Variants in IGSF9 observed in about 807,000 individuals in gnomAD.
The protein encoded by IGSF9 is immunoglobulin superfamily member 9, also known as protein turtle homolog A.
Under a neutral mutation model 121.7 loss-of-function variants are expected in IGSF9, and 87 were observed. The observed-to-expected ratio is 0.71, with a 90% CI of 0.60 to 0.85. IGSF9 has a LOEUF of 0.85. Ranked by LOEUF, IGSF9 falls within the 40% of genes least tolerant of loss-of-function variation. IGSF9 has a pLI of 0.00. For synonymous variants in IGSF9, 640 were observed against 648.4 expected (o/e 0.99, Z 0.20); for missense variants, 1,462 against 1,565.3 (o/e 0.93, Z 1.11).
chr1:159,938,076 C>A (rs1200447972), intron 3 of IGSF9, among the ~76,000 whole-genome samples: 1 of 152,054 alleles, frequency 6.6e-6, no homozygotes, highest in Non-Finnish European at 1.5e-5. Flanking sequence ...AAAGAGAAAC[C>A]TAGGGGGACA....
Position 159,943,258 on chromosome 1 carries a change from G to A in IGSF9, c.59-107C>T, listed in dbSNP as rs115017424. ...CACCTTAGGACTTTGGGTGACTGGA[G>A]AAACCCCCAGTTCAGCTTCTCCAGA... On this transcript the variant is annotated intron_variant, in intron 2 of 20. Transcript: ENST00000368094. 12,608 of 1,311,788 alleles carry A rather than the reference G, an allele frequency of 9.6e-3. 100 individuals carry two copies. Among genetic ancestry groups the A allele is most frequent in the Middle Eastern group, 0.031 (167 of 5,314 alleles). 81.3% of individuals were successfully genotyped at this position (1,311,788 alleles called of 1,614,324 possible). A position where few individuals can be genotyped will look rare whatever the true frequency, so the allele number is the denominator to read the frequency against.
chr1:159,937,951 C>G, intron 3 of IGSF9, 113 bp from the exon 4 acceptor site: 1 of 1,173,290 alleles, frequency 8.5e-7, no homozygotes, highest in Non-Finnish European at 1.2e-6. Context: ...CTCCCAGTTA[C>G]TCTGAGTGTG....
At chr1:159,945,221 T>C in intron 1 of IGSF9, among the ~76,000 whole-genome samples, 1 of 134,960 alleles carries the variant, frequency 7.4e-6, no homozygotes, top group African/African-American at 2.9e-5. Context: ...CTCCCCATCC[T>C]CTCCTCCCGA....
chr1:159,931,854 G>A lies in IGSF9; in HGVS notation c.1320C>T (p.Cys440=), dbSNP rs1252909447. The A allele has an allele frequency of 6.3e-7, 1 of 1,595,932 alleles. No homozygotes were observed. ...CAGGAGGAGGGTCCCCTTGGGCGGA[G>A]CAGGGGATGAGCAGCTCCCGCCCTA... ...QEVGRELLIP[C]SAQGDPPPVV... The change falls in exon 11 of 21, where the codon TGC becomes TGT. Residue 440 remains cysteine, a synonymous_variant. Coordinates refer to ENST00000368094, the MANE Select transcript of IGSF9 (RefSeq NM_001135050.2). This position sits in a 1 kb window ranked among gnomAD's most constrained non-coding sequence, Gnocchi z 4.8.
rs761756334 is a variant in IGSF9, at chr1:159,928,552, C to T, written c.2836G>A (p.Glu946Lys). The T allele has an allele frequency of 1.6e-5, 24 of 1,545,288 alleles. No individual in the cohort carries two copies. The highest frequency in any genetic ancestry group is 1.7e-5 in the Non-Finnish European group (20 of 1,144,778). Residue 946 changes from glutamate to lysine, a missense_variant, in exon 19 of 21, where the codon GAG (glutamate) becomes AAG (lysine). By Grantham distance (56) the Glu-to-Lys change is moderately conservative. Around this residue, in one of 3 missense-constraint regions of IGSF9, gnomAD observed 808 missense variants for 815.2 expected, o/e 0.99. Coordinates refer to ENST00000368094, the MANE Select transcript of IGSF9 (RefSeq NM_001135050.2). ...NVDGDWPPLE[E>K]PSPAAPPDYM... ...TCTGGGGGTGCAGCAGGGCTGGGCT[C>T]CTCAAGCGGGGGCCAGTCCCCATCC... is the stretch of plus-strand genomic sequence containing the variant.
Position 159,934,719 on chromosome 1 carries a change from G to A in IGSF9, c.777C>T (p.Tyr259=). ...CATTGATGTTGTCCTGGAACCAGCT[G>A]TAGGTGAGGTTAGCAGGGTATGCCT... ...HAEAYPANLT[Y]SWFQDNINVF... The change falls in exon 7 of 21, where the codon TAC becomes TAT. Residue 259 remains tyrosine (Y), a synonymous_variant. Coordinates refer to ENST00000368094, the MANE Select transcript of IGSF9 (RefSeq NM_001135050.2). 6.2e-7 allele frequency: 1 copy of A among 1,614,248 alleles called. No individual in the cohort carries two copies. The highest frequency in any genetic ancestry group is 8.5e-7 in the Non-Finnish European group (1 of 1,180,034).
Position 159,927,751 on chromosome 1 carries a change from C to T in IGSF9, c.3358+9G>A, listed in dbSNP as rs373374314. On this transcript the variant is annotated intron_variant, in intron 20 of 20. Coordinates refer to ENST00000368094, the MANE Select transcript of IGSF9 (RefSeq NM_001135050.2). The stretch of plus-strand genomic sequence containing the variant: ...CCGAGATGCCTGCCTTTCCGGGGGG[C>T]TCACACACCTAGCTCTGGCTCAGCT... 6.8e-6 allele frequency: 11 copies of T among 1,610,944 alleles called. No individual in the cohort carries two copies. The highest frequency in any genetic ancestry group is 9.3e-6 in the Non-Finnish European group (11 of 1,178,994).
chr1:159,942,771 A>G (rs1651432355), intron 3 of IGSF9, among the ~76,000 whole-genome samples, 192 bp downstream of exon 3: 1 of 150,864 alleles, frequency 6.6e-6, no homozygotes, highest in African/African-American at 2.5e-5. Context: ...TGTGTGTGTA[A>G]ATGAATGAAT....
chr1:159,934,861 A>G (rs1324358560), intron 6 of IGSF9, 39 bp from the exon 7 acceptor site: 1 of 1,612,132 alleles, frequency 6.2e-7, no homozygotes. Context: ...GCCTCAGCCC[A>G]CAGTCTTCCC....
At chr1:159,944,031 G>A (rs569820074) in intron 1 of IGSF9, among the ~76,000 whole-genome samples, 105 of 152,196 alleles carry the variant, frequency 6.9e-4, no homozygotes, top group African/African-American at 2.5e-3. Flanking sequence ...GGCTGCTCTC[G>A]CTTCTTTCCT....
chr1:159,927,952 G>A (rs1245633407), intron 19 of IGSF9, 65 bp from the exon 20 acceptor site: 2 of 1,569,050 alleles, frequency 1.3e-6, no homozygotes, highest in South Asian at 2.3e-5. Flanking sequence ...GTTCAGAAAA[G>A]TCTGAATTCA....
At chr1:159,942,453 G>A (rs1003527849) in intron 3 of IGSF9, among the ~76,000 whole-genome samples, 4 of 152,024 alleles carry the variant, frequency 2.6e-5, no homozygotes, top group Admixed American at 1.3e-4. Context: ...GGTCACAGCC[G>A]CACCTACCCT....
rs2101876910 is a variant in IGSF9 at position 159,932,009 on chromosome 1, T to C, written c.1246-81A>G. On this transcript the variant is annotated intron_variant, in intron 10 of 20. Transcript: ENST00000368094. The surrounding 1 kb of genome is among the most constrained non-coding windows in gnomAD (Gnocchi z 4.1). ...CTCCCTCTCTCTGTGCTCCCTGTCA[T>C]GCCATGTCTCACCTCACTCTCCCTC... The C allele has an allele frequency of 4.7e-6, 4 of 854,738 alleles. 1 individual carries two copies. The South Asian group carries it at 4.7e-5, about 10-fold the overall frequency. The allele number at this position is 854,738 out of a possible 1,614,324, so 52.9% of individuals were successfully genotyped here.
rs1404812535 is a variant in IGSF9, at chr1:159,928,491, A to G, written c.2897T>C (p.Phe966Ser). 6.3e-7 allele frequency: 1 copy of G among 1,584,486 alleles called. No individual in the cohort carries two copies. The highest frequency in any genetic ancestry group is 8.6e-7 in the Non-Finnish European group (1 of 1,162,936). ...AGGAGGGGTTTCTGGAGAACGAAGG[A>G]AAGATGAGGTGGGACAGCGCCGGGT... ...MDTRRCPTSSFLRSPETPPVS... is the reference protein window; with the variant it reads ...MDTRRCPTSSSLRSPETPPVS... The change falls in exon 19 of 21, where the codon TTC (phenylalanine) becomes TCC (serine). Residue 966 changes from phenylalanine to serine, a missense_variant. Phe to Ser is a radical substitution (Grantham distance 155). This residue lies in a region of IGSF9 where 808 missense variants were observed against 815.2 expected (regional missense o/e 0.99). Transcript: ENST00000368094.
intron 1 of IGSF9, among the ~76,000 whole-genome samples, chr1:159,944,271 C>T (rs1651513572): frequency 6.6e-6 from 1 of 152,174 alleles, no homozygotes; most frequent in African/African-American, 2.4e-5. Flanking sequence ...GGACCCGAGG[C>T]CTTTCTCCAT....
chr1:159,943,459 C>T lies in IGSF9; in HGVS notation c.-5G>A, dbSNP rs1305404715. On this transcript the variant is annotated 5_prime_UTR_variant, in exon 2 of 21. Coordinates refer to ENST00000368094, the MANE Select transcript of IGSF9 (RefSeq NM_001135050.2). ...CAGGCCGAGGCACCACACCATAGCC[C>T]AGCTGGCCTGCTCACCCAGCCCCTC... The T allele has an allele frequency of 1.9e-6, 3 of 1,565,138 alleles. No homozygotes were observed. Among genetic ancestry groups the T allele is most frequent in the Non-Finnish European group, 2.6e-6 (3 of 1,155,486 alleles).
rs1557932331 is a variant in IGSF9 at position 159,931,138 on chromosome 1, A to C, written c.1637T>G (p.Leu546Arg). 6.2e-7 allele frequency: 1 copy of C among 1,614,102 alleles called. No homozygotes were observed. The highest frequency in any genetic ancestry group is 2.2e-5 in the East Asian group (1 of 44,884). The part of the protein sequence containing the change: ...LQRFSVWYTP[L>R]AKRPDRMHHD... Reference sequence around the variant, plus strand: ...GAAATGGCAGGAGCAGGTCACTCACAGTGGGGTGTACCAGACACTGAATCT... The same window carrying C: ...GAAATGGCAGGAGCAGGTCACTCACCGTGGGGTGTACCAGACACTGAATCT... The change falls in exon 13 of 21, where the codon CTG (leucine) becomes CGG (arginine). Residue 546 changes from leucine (L) to arginine (R), a missense_variant and splice_region_variant. By Grantham distance (102) the Leu-to-Arg change is moderately radical. This residue lies in a region of IGSF9 where 96 missense variants were observed against 150.7 expected (regional missense o/e 0.64). Transcript: ENST00000368094. This position sits in a 1 kb window ranked among gnomAD's most constrained non-coding sequence, Gnocchi z 4.8.
rs752934125 is a variant in IGSF9 at position 159,934,398 on chromosome 1, T to C, written c.961+27A>G. 7.0e-6 allele frequency: 11 copies of C among 1,570,036 alleles called. No individual in the cohort carries two copies. The East Asian group carries it at 2.6e-4, about 37-fold the overall frequency. On this transcript the variant is annotated intron_variant, in intron 8 of 20. Coordinates refer to ENST00000368094, the MANE Select transcript of IGSF9 (RefSeq NM_001135050.2). ...CCTGGCCCAGGGGAAGGGAGCAGGC[T>C]GAGGGAGAAGCTGGGGTCAGGCTTA...
Position 159,927,312 on chromosome 1 carries a change from A to G in IGSF9, c.*33T>C. The G allele has an allele frequency of 6.2e-7, 1 of 1,611,986 alleles. No individual in the cohort carries two copies. Reference sequence around the variant, plus strand: ...GGTTGGGGGCCTCCTTTGCAGGTCCATATGCCTTTTCACAGCCTCACATCA... The same window carrying G: ...GGTTGGGGGCCTCCTTTGCAGGTCCGTATGCCTTTTCACAGCCTCACATCA... On this transcript the variant is annotated 3_prime_UTR_variant, in exon 21 of 21. Transcript: ENST00000368094.
Sources: allele counts gnomAD v4.1 joint callset (sites outside exome capture counted in the v4.1 genomes callset), GRCh38; gene constraint gnomAD v4.1.1; regional missense constraint gnomAD v4.1.1; non-coding constraint Gnocchi (gnomAD v3.1); transcripts MANE v1.5; gene names NCBI Gene and HGNC (gene_info 2026-07-23, HGNC 2026-07-21).